PDE11A: variants seen among roughly 807,000 people sequenced by gnomAD.
PDE11A encodes the protein phosphodiesterase 11A, also known as dual 3',5'-cyclic-AMP and -GMP phosphodiesterase 11A.
In PDE11A, 100 loss-of-function variants were observed where a neutral mutation model predicts 100.5. The ratio of observed to expected loss-of-function variants is 1.00; its 90% CI spans 0.85 to 1.18. The LOEUF (loss-of-function observed/expected upper bound fraction) is 1.18, where lower values mean the gene tolerates loss of function less well. PDE11A is among the 50% of genes most tolerant of loss of function. The pLI, the probability that PDE11A is intolerant of heterozygous loss-of-function variation, is 0.00. For synonymous variants in PDE11A, 381 were observed against 420.8 expected, an observed-to-expected ratio of 0.91 and a Z score of 1.16; for missense variants, 1,141 against 1,152.6, an observed-to-expected ratio of 0.99 and a Z score of 0.15.
intron 2 of PDE11A, among the ~76,000 whole-genome samples, chr2:177,947,398 G>C (rs914267102): frequency 3.3e-5 from 5 of 152,046 alleles, no homozygotes; most frequent in Non-Finnish European, 5.9e-5. Flanking sequence ...AGACATGGGA[G>C]ACTTTTCATT....
rs2087403890 is a variant in PDE11A at position 178,090,126 on chromosome 2, T to C, written c.162+14176A>G. ...CTTGTGACCAGCCCTAACTGAGGAC[T>C]ATATACAGAATAATTTGGAAAATGC... On this transcript the variant is annotated intron_variant, in intron 2 of 20. Transcript: ENST00000358450. 2.0e-5 allele frequency among the ~76,000 whole-genome samples: 3 copies of C among 152,324 alleles called. No individual in the cohort carries two copies. The South Asian group carries it at 6.2e-4, about 32-fold the overall frequency.
intron 2 of PDE11A, among the ~76,000 whole-genome samples, chr2:177,909,510 G>A (rs2084844562): frequency 6.6e-6 from 1 of 152,172 alleles, no homozygotes; most frequent in Non-Finnish European, 1.5e-5. Flanking sequence ...CTACATCCCT[G>A]AGAGGATTAC....
chr2:178,074,433 A>G (rs909210567), upstream of PDE11A, among the ~76,000 whole-genome samples: 26 of 152,298 alleles, frequency 1.7e-4, no homozygotes, highest in African/African-American at 6.0e-4. Context: ...GAGACTGGTG[A>G]TAATACAGCA....
chr2:178,075,551 C>CAAAA (rs397756518), upstream of PDE11A, among the ~76,000 whole-genome samples: 20 of 47,774 alleles, frequency 4.2e-4, no homozygotes, highest in African/African-American at 1.0e-3. Context: ...GACTCTGTCT[C>CAAAA]AAAAAAAAAA....
intron 2 of PDE11A, among the ~76,000 whole-genome samples, chr2:178,099,106 A>T (rs2087530198): frequency 6.6e-6 from 1 of 152,306 alleles, no homozygotes; most frequent in East Asian, 1.9e-4. Context: ...CAAAAGAAAA[A>T]TTTTATCCAT....
intron 9 of PDE11A, among the ~76,000 whole-genome samples, chr2:177,805,793 G>A (rs2082860337): frequency 6.6e-6 from 1 of 152,122 alleles, no homozygotes; most frequent in Non-Finnish European, 1.5e-5. Flanking sequence ...TCAATTTATG[G>A]TTAGGTAAAG....
At chr2:177,847,113 C>T (rs1203290795) in intron 5 of PDE11A, among the ~76,000 whole-genome samples, 4 of 152,244 alleles carry the variant, frequency 2.6e-5, no homozygotes, top group East Asian at 3.9e-4. Flanking sequence ...CTTCCTTATT[C>T]GTACCATGCC....
rs2080100979 is a variant in PDE11A, at chr2:177,639,152, CA to C, written c.2647-9591del. 2.0e-5 allele frequency among the ~76,000 whole-genome samples: 3 copies of C among 152,350 alleles called. No homozygotes were observed. The South Asian group carries it at 6.2e-4, about 32-fold the overall frequency. ...ATTCTATCCAGGCCACAAGCTGGAA[CA>C]GTTGTAGGACTCACTTCATTCATTC... is the stretch of plus-strand genomic sequence containing the variant. On this transcript the variant is annotated intron_variant, in intron 19 of 19. Coordinates refer to ENST00000286063, the MANE Select transcript of PDE11A (RefSeq NM_016953.4).
At chr2:177,634,830 C>A (rs761293763) in intron 19 of PDE11A, among the ~76,000 whole-genome samples, 1 of 152,260 alleles carries the variant, frequency 6.6e-6, no homozygotes. Context: ...GAGTCATCAG[C>A]AAGAGAATTG....
chr2:177,659,795 C>CCG (rs374128137), intron 19 of PDE11A, among the ~76,000 whole-genome samples: 8 of 151,806 alleles, frequency 5.3e-5, no homozygotes, highest in Non-Finnish European at 8.8e-5. Context: ...TTTTTTTCCC[C>CCG]CTCCAAAGAC....
intron 5 of PDE11A, among the ~76,000 whole-genome samples, chr2:177,848,445 C>T (rs2083640022): frequency 6.6e-6 from 1 of 152,152 alleles, no homozygotes; most frequent in African/African-American, 2.4e-5. Flanking sequence ...GCATAACACT[C>T]TAATTGTAAA....
intron 2 of PDE11A, among the ~76,000 whole-genome samples, chr2:177,941,652 T>G (rs1459383401): frequency 6.6e-6 from 1 of 152,204 alleles, no homozygotes; most frequent in African/African-American, 2.4e-5. Context: ...TTACACCAGC[T>G]GCCCTCTCCT....
intron 5 of PDE11A, among the ~76,000 whole-genome samples, chr2:177,853,065 T>C (rs2083743297): frequency 6.6e-6 from 1 of 152,188 alleles, no homozygotes; most frequent in Non-Finnish European, 1.5e-5. Flanking sequence ...CTGTAAGTGA[T>C]TGGTATCTAC....
chr2:177,790,339 T>C (rs1230911771), intron 9 of PDE11A, among the ~76,000 whole-genome samples: 3 of 151,626 alleles, frequency 2.0e-5, no homozygotes, highest in Non-Finnish European at 4.4e-5. Context: ...TAGACATATG[T>C]AGAAAGCTGA....
chr2:178,016,851 G>A (rs1478313113), intron 1 of PDE11A, among the ~76,000 whole-genome samples: 2 of 152,216 alleles, frequency 1.3e-5, no homozygotes, highest in African/African-American at 4.8e-5. Flanking sequence ...GAGAGTGAAA[G>A]AGGGAGGCAG....
intron 1 of PDE11A, among the ~76,000 whole-genome samples, chr2:178,028,402 T>C (rs2086505620): frequency 6.6e-6 from 1 of 152,060 alleles, no homozygotes; most frequent in Non-Finnish European, 1.5e-5. Flanking sequence ...GGGGAAGTCA[T>C]TCAGAGGATG....
chr2:177,998,415 T>C (rs2086103771), intron 2 of PDE11A: 1 of 920,116 alleles, frequency 1.1e-6, no homozygotes, highest in African/African-American at 1.6e-5. Flanking sequence ...CAACAGGGCA[T>C]TGTTCACTAG....
At chr2:177,816,274 G>A (rs561111868) in intron 9 of PDE11A, among the ~76,000 whole-genome samples, 11 of 152,112 alleles carry the variant, frequency 7.2e-5, no homozygotes, top group South Asian at 2.1e-4. Flanking sequence ...CAAAACAAGC[G>A]TCTGAGATTC....
chr2:177,941,270 G>C (rs1200284889), intron 2 of PDE11A, among the ~76,000 whole-genome samples: 1 of 152,174 alleles, frequency 6.6e-6, no homozygotes, highest in Non-Finnish European at 1.5e-5. Flanking sequence ...AGTAAGTGTA[G>C]AAGCTGAGAT....
Sources: gnomAD v4.1 joint callset for allele counts (sites outside exome capture counted in the v4.1 genomes callset) on GRCh38, gnomAD v4.1.1 for gene constraint, MANE v1.5 for transcripts, NCBI Gene and HGNC (gene_info 2026-07-23, HGNC 2026-07-21) for gene names.